The following LYPD6 variants were observed in gnomAD, a reference collection of about 807,000 sequenced individuals.
The protein encoded by LYPD6 is LY6/PLAUR domain containing 6.
A neutral mutation model predicts 22.7 loss-of-function variants in LYPD6; 15 were observed. The ratio of observed to expected loss-of-function variants is 0.66; its 90% CI spans 0.44 to 1.02. The LOEUF (loss-of-function observed/expected upper bound fraction) is 1.02. LYPD6 is among the 50% of genes least tolerant of loss of function. The pLI is 0.00. For missense variants in LYPD6, 189 were observed against 208.4 expected (o/e 0.91, Z 0.57); for synonymous variants, 72 against 77.5 (o/e 0.93, Z 0.37).
At chr2:149,455,093 T>A (rs569211923) in intron 3 of LYPD6, among the ~76,000 whole-genome samples, 2 of 152,274 alleles carry the variant, frequency 1.3e-5, no homozygotes, top group East Asian at 3.9e-4. Flanking sequence ...CTCTGGTACC[T>A]TGCTCTTTAA....
chr2:149,403,150 T>C (rs1349860791), intron 1 of LYPD6, among the ~76,000 whole-genome samples: 1 of 152,108 alleles, frequency 6.6e-6, no homozygotes, highest in Non-Finnish European at 1.5e-5. Flanking sequence ...TTTGGGTTGG[T>C]TCCAAGTCTT....
At chr2:149,408,048 G>A (rs1024039947) in intron 1 of LYPD6, among the ~76,000 whole-genome samples, 12 of 152,188 alleles carry the variant, frequency 7.9e-5, no homozygotes, top group Non-Finnish European at 1.5e-4. Flanking sequence ...CAAAACCGCG[G>A]ATTTTCGTGA....
intron 1 of LYPD6, among the ~76,000 whole-genome samples, chr2:149,370,801 T>TA (rs1316378408): frequency 6.6e-6 from 1 of 151,812 alleles, no homozygotes; most frequent in Non-Finnish European, 1.5e-5. Flanking sequence ...CTACAAAAAA[T>TA]AAAAAAATGT....
intron 1 of LYPD6, among the ~76,000 whole-genome samples, chr2:149,379,267 G>A (rs185117243): frequency 6.6e-6 from 1 of 152,278 alleles, no homozygotes; most frequent in African/African-American, 2.4e-5. Context: ...TTGAGTCCAA[G>A]AGGAAGGTAG....
Position 149,424,827 on chromosome 2 carries a change from C to T in LYPD6, c.-71-12811C>T, listed in dbSNP as rs373632909. Among the ~76,000 whole-genome samples, 3 of 152,260 alleles carry T rather than the reference C, an allele frequency of 2.0e-5. No individual in the cohort carries two copies. In the South Asian group the frequency reaches 6.2e-4, roughly 32 times the overall value. On this transcript the variant is annotated intron_variant, in intron 1 of 4. Coordinates refer to ENST00000334166, the MANE Select transcript of LYPD6 (RefSeq NM_194317.5). ...AGATCATGGGAAGGCTTGTAGACTT[C>T]CCCTTCTACCCAGAACCGATGCTTC...
intron 1 of LYPD6, among the ~76,000 whole-genome samples, chr2:149,433,519 A>G (rs1683362782): frequency 6.6e-6 from 1 of 152,200 alleles, no homozygotes; most frequent in Non-Finnish European, 1.5e-5. Context: ...TCCTGGCTGC[A>G]AAGCAGGAAC....
chr2:149,341,585 G>A (rs1482815054), intron 1 of LYPD6, among the ~76,000 whole-genome samples: 1 of 152,134 alleles, frequency 6.6e-6, no homozygotes, highest in Admixed American at 6.5e-5. Flanking sequence ...ACAAAGGATT[G>A]CATCTTAGAC....
chr2:149,468,693 G>A lies in LYPD6; in HGVS notation c.266G>A (p.Ser89Asn), dbSNP rs1404434730. 1.2e-6 allele frequency: 2 copies of A among 1,613,670 alleles called. No individual in the cohort carries two copies. Among genetic ancestry groups the A allele is most frequent in the East Asian group, 2.2e-5 (1 of 44,868 alleles). The change falls in exon 4 of 5, where the codon AGT (serine) becomes AAT (asparagine). Residue 89 changes from serine (S) to asparagine (N), a missense_variant. Coordinates refer to ENST00000334166, the MANE Select transcript of LYPD6 (RefSeq NM_194317.5). The stretch of plus-strand genomic sequence containing the variant: ...CACACAATGGAAGTCACAGGAAACA[G>A]TATCTCAGTCACCAAACGCTGTGTC... ...TQHTMEVTGN[S>N]ISVTKRCVPL...
chr2:149,466,343 AG>A (rs1397749479), intron 3 of LYPD6, among the ~76,000 whole-genome samples: 1 of 152,218 alleles, frequency 6.6e-6, no homozygotes, highest in Non-Finnish European at 1.5e-5. Flanking sequence ...TAAGATAAGA[AG>A]TGGAATAAAT....
intron 1 of LYPD6, among the ~76,000 whole-genome samples, chr2:149,332,600 C>T (rs1680959876): frequency 6.6e-6 from 1 of 152,192 alleles, no homozygotes; most frequent in Non-Finnish European, 1.5e-5. Flanking sequence ...TTTCCAAGAT[C>T]AATAGCAGAG....
chr2:149,388,093 T>A (rs1359199575), intron 1 of LYPD6, among the ~76,000 whole-genome samples: 1 of 152,160 alleles, frequency 6.6e-6, no homozygotes, highest in Non-Finnish European at 1.5e-5. Context: ...TGAGTAAAGT[T>A]GAAATATTCT....
chr2:149,377,007 C>A (rs922004654), intron 1 of LYPD6, among the ~76,000 whole-genome samples: 1 of 152,180 alleles, frequency 6.6e-6, no homozygotes, highest in African/African-American at 2.4e-5. Context: ...AGCATAAAAT[C>A]AGACTTCTGC....
intron 1 of LYPD6, among the ~76,000 whole-genome samples, chr2:149,342,820 A>G (rs1681187241): frequency 6.6e-6 from 1 of 152,172 alleles, no homozygotes. Context: ...TCAGCTCCCC[A>G]CAGTCCTGAT....
intron 1 of LYPD6, among the ~76,000 whole-genome samples, chr2:149,377,845 G>C (rs1354798278): frequency 7.7e-6 from 1 of 130,060 alleles, no homozygotes; most frequent in East Asian, 2.2e-4. Context: ...TCCTTCCAGT[G>C]TCTGTATCTG....
chr2:149,383,481 T>C (rs1208533005), intron 1 of LYPD6, among the ~76,000 whole-genome samples: 1 of 152,142 alleles, frequency 6.6e-6, no homozygotes, highest in African/African-American at 2.4e-5. Context: ...AGAGATTTGA[T>C]GATCATGTGC....
At chr2:149,385,626 A>T (rs187308101) in intron 1 of LYPD6, among the ~76,000 whole-genome samples, 45 of 152,308 alleles carry the variant, frequency 3.0e-4, no homozygotes, top group Admixed American at 6.5e-4. Flanking sequence ...CTTTGTATAG[A>T]TACTGGAATT....
At position 149,473,921 on chromosome 2, in the gene LYPD6, ATG is replaced by A. The variant is rs1646881227; in HGVS notation, c.*3077_*3078del. The A allele has an allele frequency of 6.6e-6, 1 of 152,178 alleles. No homozygotes were observed. The highest frequency in any genetic ancestry group is 2.1e-4 in the South Asian group (1 of 4,832). 9.4% of individuals were successfully genotyped at this position (152,178 alleles called of 1,614,324 possible). A position where few individuals can be genotyped will look rare whatever the true frequency, so the allele number is the denominator to read the frequency against. The stretch of plus-strand genomic sequence containing the variant: ...TGTTAAATCAGGAAATATAAAAATT[ATG>A]TGTGTATGTGTATGTATATATATAT... On this transcript the variant is annotated 3_prime_UTR_variant, in exon 5 of 5. Transcript: ENST00000334166.
intron 1 of LYPD6, among the ~76,000 whole-genome samples, chr2:149,385,930 C>G (rs1024230987): frequency 5.9e-5 from 9 of 152,106 alleles, no homozygotes; most frequent in African/African-American, 2.2e-4. Context: ...TAAGGCAGCA[C>G]TTGGGTCTGG....
At chr2:149,450,101 A>G (rs1170345037) in intron 3 of LYPD6, among the ~76,000 whole-genome samples, 2 of 152,110 alleles carry the variant, frequency 1.3e-5, no homozygotes, top group East Asian at 1.9e-4. Context: ...AGGAGCCTCC[A>G]CTCCACCTAG....
Sources: allele counts gnomAD v4.1 joint callset (sites outside exome capture counted in the v4.1 genomes callset), GRCh38; gene constraint gnomAD v4.1.1; transcripts MANE v1.5; gene names NCBI Gene and HGNC (gene_info 2026-07-23, HGNC 2026-07-21).